Variants in PDE10A observed in about 807,000 individuals in gnomAD.
PDE10A encodes phosphodiesterase 10A.
Under a neutral mutation model 97.7 loss-of-function variants are expected in PDE10A, and 39 were observed. That is an observed-to-expected ratio of 0.40 (90% CI 0.31 to 0.52). The LOEUF is 0.52. Among genes scored for constraint, PDE10A ranks in the 20% least tolerant of loss-of-function variants. The pLI, the probability that PDE10A is intolerant of heterozygous loss-of-function variation, is 0.56. For missense variants in PDE10A, 731 were observed against 1,047.8 expected (o/e 0.70, Z 4.17); for synonymous variants, 371 against 376.8 (o/e 0.98, Z 0.18).
At chr6:165,865,388 A>G (rs1416854070) in intron 1 of PDE10A, among the ~76,000 whole-genome samples, 4 of 152,232 alleles carry the variant, frequency 2.6e-5, no homozygotes. Context: ...AGAAACATGA[A>G]AAGCAAGGAA....
chr6:165,476,922 A>G (rs1157321778), intron 3 of PDE10A, among the ~76,000 whole-genome samples: 2 of 152,012 alleles, frequency 1.3e-5, no homozygotes, highest in Non-Finnish European at 2.9e-5. Context: ...GCATCCAAAT[A>G]CTCTTCCTAT....
intron 1 of PDE10A, among the ~76,000 whole-genome samples, chr6:165,599,842 C>CATCAGTTACACATTGGG (rs1170755905): frequency 1.3e-5 from 2 of 152,136 alleles, no homozygotes; most frequent in Non-Finnish European, 2.9e-5. Flanking sequence ...CCCGGTTTGG[C>CATCAGTTACACATTGGG]ATCAGTTACA....
chr6:165,744,675 C>T (rs1025903628), intron 1 of PDE10A, among the ~76,000 whole-genome samples: 2 of 151,998 alleles, frequency 1.3e-5, no homozygotes, highest in African/African-American at 4.8e-5. Flanking sequence ...CTCATGTATT[C>T]CACAGAAGTA....
At position 165,936,587 on chromosome 6, in the gene PDE10A, T is replaced by G. The variant is rs145069189; in HGVS notation, c.-615+50942A>C. On this transcript the variant is annotated intron_variant, in intron 1 of 19. Transcript: ENST00000366882. ...GTGTCTATTGTGTGGTGAGGGGAGCTGCCAGGCAGGGTGGTGGGAATGGGA... is the reference window on the plus strand; with the variant it reads ...GTGTCTATTGTGTGGTGAGGGGAGCGGCCAGGCAGGGTGGTGGGAATGGGA... Among the ~76,000 whole-genome samples the G allele has an allele frequency of 3.9e-4, 60 of 152,202 alleles. No individual in the cohort carries two copies. In the South Asian group the frequency reaches 4.0e-3, roughly 10 times the overall value.
intron 1 of PDE10A, among the ~76,000 whole-genome samples, chr6:165,789,457 T>C (rs1778586467): frequency 6.6e-6 from 1 of 152,196 alleles, no homozygotes; most frequent in South Asian, 2.1e-4. Flanking sequence ...AATAAATTTG[T>C]GAATCGTTCC....
intron 3 of PDE10A, among the ~76,000 whole-genome samples, chr6:165,455,333 C>G (rs921894717): frequency 2.0e-5 from 3 of 151,968 alleles, no homozygotes; most frequent in Admixed American, 1.3e-4. Context: ...TCCAACACAC[C>G]CTCTGGTGAC....
At chr6:165,337,385 G>A (rs146993253) in intron 20 of PDE10A, among the ~76,000 whole-genome samples, 104 of 152,260 alleles carry the variant, frequency 6.8e-4, no homozygotes, top group African/African-American at 2.2e-3. Flanking sequence ...GATATGCATC[G>A]AAGCATACAG....
chr6:165,826,437 G>A (rs967292175), intron 1 of PDE10A, among the ~76,000 whole-genome samples: 7 of 144,788 alleles, frequency 4.8e-5, no homozygotes, highest in Non-Finnish European at 9.3e-5. Flanking sequence ...CTGTCCTTAC[G>A]TTCCTTTGTC....
chr6:165,863,592 C>T (rs1435974041), intron 1 of PDE10A, among the ~76,000 whole-genome samples: 2 of 152,094 alleles, frequency 1.3e-5, no homozygotes, highest in African/African-American at 4.8e-5. Flanking sequence ...CTTTATAAAA[C>T]TTTTATAAAA....
chr6:165,720,390 C>T (rs9356384), intron 1 of PDE10A, among the ~76,000 whole-genome samples: 17,654 of 152,154 alleles, frequency 0.12, 1,576 homozygotes, highest in East Asian at 0.23. Context: ...CAACCCCAGG[C>T]CAGCAGAGGT....
chr6:165,883,457 G>C (rs1178079595), intron 1 of PDE10A, among the ~76,000 whole-genome samples: 12 of 151,476 alleles, frequency 7.9e-5, no homozygotes, highest in African/African-American at 2.9e-4. Flanking sequence ...GAGGAGACTC[G>C]CTTGAACCCA....
intron 1 of PDE10A, among the ~76,000 whole-genome samples, chr6:165,682,334 A>C (rs192833635): frequency 6.6e-6 from 1 of 152,186 alleles, no homozygotes; most frequent in Non-Finnish European, 1.5e-5. Context: ...GGGTCTTGCC[A>C]TGTTGCCCTG....
intron 2 of PDE10A, among the ~76,000 whole-genome samples, chr6:165,530,525 T>C (rs1191659231): frequency 1.3e-5 from 2 of 152,128 alleles, no homozygotes; most frequent in Non-Finnish European, 2.9e-5. Context: ...TCCTACTGAG[T>C]ACTATGCTCA....
intron 1 of PDE10A, among the ~76,000 whole-genome samples, chr6:165,761,943 C>T (rs1793260590): frequency 6.6e-6 from 1 of 152,212 alleles, no homozygotes; most frequent in African/African-American, 2.4e-5. Context: ...TCCCATAGAA[C>T]TGATGTTTAT....
chr6:165,555,826 G>A (rs1397644580), intron 1 of PDE10A, among the ~76,000 whole-genome samples: 2 of 152,136 alleles, frequency 1.3e-5, no homozygotes, highest in Non-Finnish European at 1.5e-5. Context: ...GCCCAAGGCT[G>A]GATCCAGCCA....
At chr6:165,536,808 T>C (rs535153806) in intron 2 of PDE10A, among the ~76,000 whole-genome samples, 5 of 151,902 alleles carry the variant, frequency 3.3e-5, no homozygotes, top group African/African-American at 1.2e-4. Context: ...AAACAACAAA[T>C]GCTGGCGAAG....
At chr6:165,933,674 G>T (rs951608460) in intron 1 of PDE10A, among the ~76,000 whole-genome samples, 7 of 152,170 alleles carry the variant, frequency 4.6e-5, no homozygotes, top group African/African-American at 1.7e-4. Context: ...GTGCTTCTGG[G>T]TTTTTACAGC....
intron 1 of PDE10A, among the ~76,000 whole-genome samples, chr6:165,965,337 G>T (rs1379393620): frequency 2.0e-5 from 3 of 152,182 alleles, no homozygotes; most frequent in African/African-American, 7.2e-5. Context: ...CTACACAGAG[G>T]AGACACTGGT....
intron 1 of PDE10A, among the ~76,000 whole-genome samples, chr6:165,884,264 A>T (rs1781570351): frequency 6.6e-6 from 1 of 152,220 alleles, no homozygotes; most frequent in Admixed American, 6.5e-5. Flanking sequence ...GAAAGTTTAG[A>T]GGCACACATT....
Sources: gnomAD v4.1 joint callset for allele counts (sites outside exome capture counted in the v4.1 genomes callset) on GRCh38, gnomAD v4.1.1 for gene constraint, MANE v1.5 for transcripts, NCBI Gene and HGNC (gene_info 2026-07-23, HGNC 2026-07-21) for gene names.